Variants in LZTFL1 observed in about 807,000 individuals in gnomAD.
The protein encoded by LZTFL1 is leucine zipper transcription factor-like protein 1.
LZTFL1 carries 25 observed loss-of-function variants against 45.9 expected under a neutral mutation model. The ratio of observed to expected loss-of-function variants is 0.54; its 90% CI spans 0.40 to 0.76. The LOEUF is 0.76. Among genes scored for constraint, LZTFL1 ranks in the 30% least tolerant of loss-of-function variants. The probability of loss-of-function intolerance (pLI) is 0.00; values close to 1 mark genes in which losing one functional copy is unlikely to be tolerated. For missense variants in LZTFL1, 277 were observed against 331.1 expected, an observed-to-expected ratio of 0.84 and a Z score of 1.27; for synonymous variants, 93 against 117.4, an observed-to-expected ratio of 0.79 and a Z score of 1.35.
At chr3:45,912,445 G>C (rs995777574) in intron 2 of LZTFL1, among the ~76,000 whole-genome samples, 1 of 152,168 alleles carries the variant, frequency 6.6e-6, no homozygotes, top group African/African-American at 2.4e-5. Context: ...CCTGTGACTT[G>C]CTCTGACCAA....
chr3:45,893,303 C>T (rs1373884475), intron 2 of LZTFL1, among the ~76,000 whole-genome samples: 2 of 152,114 alleles, frequency 1.3e-5, no homozygotes, highest in Admixed American at 6.5e-5. Flanking sequence ...TACAGGCGCA[C>T]ACCACCACAC....
chr3:45,869,716 CT>C (rs1701640956), intron 2 of LZTFL1, among the ~76,000 whole-genome samples: 1 of 152,070 alleles, frequency 6.6e-6, no homozygotes, highest in Admixed American at 6.5e-5. Context: ...TCGTCTGTGT[CT>C]TTTTTGAGCC....
intron 2 of LZTFL1, among the ~76,000 whole-genome samples, chr3:45,887,029 G>C (rs1173029198): frequency 6.6e-6 from 1 of 152,138 alleles, no homozygotes; most frequent in Non-Finnish European, 1.5e-5. Flanking sequence ...ATTCTTTGTA[G>C]CAGTGAAAAA....
At chr3:45,831,523 C>G (rs1700816981) in intron 5 of LZTFL1, among the ~76,000 whole-genome samples, 1 of 152,240 alleles carries the variant, frequency 6.6e-6, no homozygotes, top group African/African-American at 2.4e-5. Flanking sequence ...AGAACTCCTT[C>G]ACTTCAGTAC....
chr3:45,852,561 G>C (rs574922299), intron 4 of LZTFL1, among the ~76,000 whole-genome samples: 2 of 152,166 alleles, frequency 1.3e-5, no homozygotes, highest in African/African-American at 4.8e-5. Flanking sequence ...AAGAAAAAAA[G>C]TCAAGTTGGA....
chr3:45,841,734 G>A (rs1701121229), intron 1 of LZTFL1: 2 of 584,436 alleles, frequency 3.4e-6, no homozygotes, highest in Admixed American at 6.0e-5. Flanking sequence ...AGCCCCCGCA[G>A]GCAGGAGAGA....
intron 2 of LZTFL1, among the ~76,000 whole-genome samples, chr3:45,867,889 T>C (rs2125713866): frequency 6.6e-6 from 1 of 152,162 alleles, no homozygotes; most frequent in South Asian, 2.1e-4. Context: ...TAGCCAAAGA[T>C]AAATGTCAGC....
intron 2 of LZTFL1, among the ~76,000 whole-genome samples, chr3:45,862,882 A>G (rs887900833): frequency 6.6e-6 from 1 of 152,234 alleles, no homozygotes; most frequent in Non-Finnish European, 1.5e-5. Context: ...AGTAATAATG[A>G]CAGTAATTTA....
At chr3:45,898,645 T>G (rs1702446308) in intron 2 of LZTFL1, among the ~76,000 whole-genome samples, 1 of 152,238 alleles carries the variant, frequency 6.6e-6, no homozygotes, top group African/African-American at 2.4e-5. Context: ...GTCATCCAAG[T>G]TACCTTGGGT....
chr3:45,852,313 G>A (rs1426103863), intron 4 of LZTFL1, among the ~76,000 whole-genome samples: 2 of 152,172 alleles, frequency 1.3e-5, no homozygotes, highest in Non-Finnish European at 2.9e-5. Flanking sequence ...CCAGCAATTT[G>A]CCTTCACTTC....
chr3:45,904,732 CT>C (rs1300618907), intron 2 of LZTFL1, among the ~76,000 whole-genome samples: 1 of 152,192 alleles, frequency 6.6e-6, no homozygotes, highest in Non-Finnish European at 1.5e-5. Context: ...GAGTTGACAC[CT>C]TTGGAGACCA....
chr3:45,888,538 G>A (rs915151364), intron 2 of LZTFL1, among the ~76,000 whole-genome samples: 1 of 152,218 alleles, frequency 6.6e-6, no homozygotes, highest in African/African-American at 2.4e-5. Flanking sequence ...CATTGAATAA[G>A]TGGGTTCGAT....
intron 4 of LZTFL1, among the ~76,000 whole-genome samples, chr3:45,848,100 CAT>C (rs1400443248): frequency 6.6e-6 from 1 of 152,156 alleles, no homozygotes; most frequent in Non-Finnish European, 1.5e-5. Context: ...TTTAAGTTTT[CAT>C]ATATGACTTC....
chr3:45,908,488 C>T (rs531327568), intron 2 of LZTFL1, among the ~76,000 whole-genome samples: 1 of 152,304 alleles, frequency 6.6e-6, no homozygotes, highest in South Asian at 2.1e-4. Flanking sequence ...CAGGAACAAG[C>T]TGATGGTTAT....
intron 2 of LZTFL1, among the ~76,000 whole-genome samples, chr3:45,879,587 A>G (rs1260217993): frequency 6.6e-6 from 1 of 152,242 alleles, no homozygotes; most frequent in Non-Finnish European, 1.5e-5. Context: ...TGGTGGATAC[A>G]TGTCATACAT....
chr3:45,853,310 G>T (rs535820979), intron 4 of LZTFL1, among the ~76,000 whole-genome samples: 1 of 152,212 alleles, frequency 6.6e-6, no homozygotes, highest in African/African-American at 2.4e-5. Context: ...GTTATATCAT[G>T]TAGGAATATT....
Position 45,825,264 on chromosome 3 carries a change from T to G in LZTFL1, c.*1050A>C, listed in dbSNP as rs1700635480. On this transcript the variant is annotated 3_prime_UTR_variant, in exon 10 of 10. Transcript: ENST00000296135. ...ATTAATATGTGAAAAGTAAGGACTT[T>G]CCTTCTGAGGGATTATTGCTTTATG... is the stretch of plus-strand genomic sequence containing the variant. The G allele has an allele frequency of 5.7e-6, 1 of 174,044 alleles. No homozygotes were observed. The highest frequency in any genetic ancestry group is 6.3e-5 in the Admixed American group (1 of 16,000). The allele number at this position is 174,044 out of a possible 1,614,324, so 10.8% of individuals were successfully genotyped here.
intron 1 of LZTFL1, among the ~76,000 whole-genome samples, chr3:45,914,592 G>A (rs1336992634): frequency 6.6e-6 from 1 of 152,136 alleles, no homozygotes; most frequent in South Asian, 2.1e-4. Flanking sequence ...ATTTTAATAT[G>A]CCTTCAGGTA....
chr3:45,873,675 C>T (rs1701704380), intron 2 of LZTFL1, among the ~76,000 whole-genome samples: 1 of 152,176 alleles, frequency 6.6e-6, no homozygotes. Context: ...CATAACAGCT[C>T]ATCTATAAAG....
Sources: gnomAD v4.1 joint callset for allele counts (sites outside exome capture counted in the v4.1 genomes callset) on GRCh38, gnomAD v4.1.1 for gene constraint, MANE v1.5 for transcripts, NCBI Gene and HGNC (gene_info 2026-07-23, HGNC 2026-07-21) for gene names.